ANK2: variants seen among roughly 807,000 people sequenced by gnomAD.
The protein encoded by ANK2 is ankyrin-2.
A neutral mutation model predicts 360.5 loss-of-function variants in ANK2; 83 were observed. The observed-to-expected ratio is 0.23, with a 90% confidence interval of 0.19 to 0.28. The LOEUF is 0.28. ANK2 is among the 10% of genes least tolerant of loss of function. ANK2 has a pLI of 1.00. For synonymous variants in ANK2, 1,740 were observed against 1,759.5 expected, an observed-to-expected ratio of 0.99 and a Z score of 0.28; for missense variants, 4,201 against 4,795.7, an observed-to-expected ratio of 0.88 and a Z score of 3.66.
At chr4:112,932,289 C>G (rs183094248) in intron 2 of ANK2, among the ~76,000 whole-genome samples, 1 of 151,866 alleles carries the variant, frequency 6.6e-6, no homozygotes, top group African/African-American at 2.4e-5. Flanking sequence ...GTCAGGAGTT[C>G]GAGACCAGCC....
At chr4:113,271,918 C>T (rs1469243496) in intron 14 of ANK2, among the ~76,000 whole-genome samples, 1 of 152,134 alleles carries the variant, frequency 6.6e-6, no homozygotes, top group African/African-American at 2.4e-5. Context: ...CCTCAGTGGA[C>T]ATTACTGAGA....
chr4:113,112,946 G>T (rs1039249309), intron 1 of ANK2, among the ~76,000 whole-genome samples: 7 of 152,152 alleles, frequency 4.6e-5, no homozygotes, highest in African/African-American at 1.7e-4. Context: ...ATTATATTAT[G>T]AGCAAGCTTT....
chr4:113,044,635 C>T lies in ANK2; in HGVS notation c.22-129781C>T, dbSNP rs115660029. 8.8e-3 allele frequency among the ~76,000 whole-genome samples: 1,339 copies of T among 152,238 alleles called. 20 individuals carry two copies. Among genetic ancestry groups the T allele is most frequent in the African/African-American group, 0.03 (1,258 of 41,532 alleles). ...TCTGAAGGCTCTGGAGAAGGACCCT[C>T]CCCTGCCTCTTCCCAGCTTTTAGTG... On this transcript the variant is annotated intron_variant, in intron 2 of 30. Coordinates refer to the ANK2 transcript ENST00000503271.
At chr4:113,009,572 A>G (rs1233833095) in intron 2 of ANK2, among the ~76,000 whole-genome samples, 2 of 152,266 alleles carry the variant, frequency 1.3e-5, no homozygotes, top group East Asian at 3.9e-4. Context: ...CCTGCCTTTT[A>G]AAAACATGTT....
At chr4:112,904,484 G>A in exon 2 of ANK2, 2 of 1,500,456 alleles carry the variant, frequency 1.3e-6, no homozygotes, top group Middle Eastern at 1.7e-4. Flanking sequence ...ATGAAGAATT[G>A]GTATTTCAAA....
At chr4:112,955,370 C>A (rs2062899293) in intron 2 of ANK2, among the ~76,000 whole-genome samples, 1 of 152,004 alleles carries the variant, frequency 6.6e-6, no homozygotes, top group Admixed American at 6.5e-5. Context: ...ATGCTCGAGG[C>A]AAAAGTGTTA....
chr4:113,128,731 C>A (rs985273795), intron 1 of ANK2, among the ~76,000 whole-genome samples: 37 of 152,250 alleles, frequency 2.4e-4, no homozygotes, highest in African/African-American at 8.9e-4. Context: ...CCTTGTGATT[C>A]GTCCACCTCG....
intron 36 of ANK2, among the ~76,000 whole-genome samples, chr4:113,348,615 C>A (rs1588770548): frequency 6.6e-6 from 1 of 152,114 alleles, no homozygotes; most frequent in Admixed American, 6.5e-5. Context: ...GGTTGAAACT[C>A]TTTTTGTACT....
intron 2 of ANK2, among the ~76,000 whole-genome samples, chr4:113,174,962 GAAT>G (rs1252709855): frequency 6.6e-6 from 1 of 152,084 alleles, no homozygotes; most frequent in Admixed American, 6.6e-5. Flanking sequence ...CTCATAATGA[GAAT>G]AATTTGAAAT....
At chr4:113,179,377 T>G (rs562671351) in intron 2 of ANK2, among the ~76,000 whole-genome samples, 3 of 152,314 alleles carry the variant, frequency 2.0e-5, no homozygotes, top group Admixed American at 6.5e-5. Context: ...TAAGATTCCT[T>G]AAACTGAAAT....
At chr4:113,211,707 A>G (rs1038132084) in intron 4 of ANK2, among the ~76,000 whole-genome samples, 24 of 152,184 alleles carry the variant, frequency 1.6e-4, no homozygotes, top group Non-Finnish European at 8.8e-5. Context: ...AACACTTATT[A>G]CAGGAATTTG....
intron 2 of ANK2, among the ~76,000 whole-genome samples, chr4:113,014,919 C>G (rs1014893362): frequency 8.1e-6 from 1 of 123,656 alleles, no homozygotes; most frequent in Non-Finnish European, 1.6e-5. Flanking sequence ...AGTGCAGTGG[C>G]GCGATCTCGG....
chr4:113,041,345 G>T (rs980646346), intron 2 of ANK2, among the ~76,000 whole-genome samples: 7 of 152,072 alleles, frequency 4.6e-5, no homozygotes, highest in African/African-American at 1.7e-4. Flanking sequence ...AAGCACACAT[G>T]ATATATTTTA....
chr4:112,957,240 C>T (rs1414179820), intron 2 of ANK2, among the ~76,000 whole-genome samples: 1 of 151,768 alleles, frequency 6.6e-6, no homozygotes, highest in Non-Finnish European at 1.5e-5. Flanking sequence ...TGCCTTCAAG[C>T]ATCTGTTTAA....
At chr4:113,270,685 A>G (rs1203189320) in intron 14 of ANK2, among the ~76,000 whole-genome samples, 1 of 152,180 alleles carries the variant, frequency 6.6e-6, no homozygotes, top group Non-Finnish European at 1.5e-5. Context: ...CTTGTGAAGC[A>G]GTGCTCCCTA....
chr4:113,076,105 AG>A (rs1240930335), intron 1 of ANK2, among the ~76,000 whole-genome samples: 1 of 152,248 alleles, frequency 6.6e-6, no homozygotes, highest in Non-Finnish European at 1.5e-5. Context: ...GCTTTAAGAC[AG>A]GGGTATCCAA....
chr4:112,963,622 A>G (rs2035884692), intron 2 of ANK2, among the ~76,000 whole-genome samples: 1 of 152,054 alleles, frequency 6.6e-6, no homozygotes. Context: ...TCTTCATGAT[A>G]TTTTTCAGTC....
At chr4:112,788,092 T>G in the ANK2 span, 2 of 1,549,368 alleles carry the variant, frequency 1.3e-6, no homozygotes, top group East Asian at 2.2e-5. Flanking sequence ...TTTAACCCAG[T>G]TTAGTGGCAA....
chr4:113,148,121 GAGA>G (rs1356266929), intron 1 of ANK2, among the ~76,000 whole-genome samples: 2 of 152,172 alleles, frequency 1.3e-5, no homozygotes, highest in African/African-American at 4.8e-5. Context: ...AGGCTCCAGA[GAGA>G]AGGATTCTTG....
Sources: gnomAD v4.1 joint callset for allele counts (sites outside exome capture counted in the v4.1 genomes callset) on GRCh38, gnomAD v4.1.1 for gene constraint, MANE v1.5 for transcripts, NCBI Gene and HGNC (gene_info 2026-07-23, HGNC 2026-07-21) for gene names.